The following HECTD2 variants were observed in gnomAD, a reference collection of about 807,000 sequenced individuals.
The protein encoded by HECTD2 is HECT domain E3 ubiquitin protein ligase 2.
Under a neutral mutation model 103.2 loss-of-function variants are expected in HECTD2, and 35 were observed. The observed-to-expected ratio is 0.34, with a 90% CI of 0.26 to 0.45. The LOEUF is 0.45. Among genes scored for constraint, HECTD2 ranks in the 20% least tolerant of loss-of-function variants. The pLI, the probability that HECTD2 is intolerant of heterozygous loss-of-function variation, is 1.00. For synonymous variants in HECTD2, 281 were observed against 329.9 expected (o/e 0.85, Z 1.61); for missense variants, 596 against 937.4 (o/e 0.64, Z 4.76).
intron 5 of HECTD2, among the ~76,000 whole-genome samples, chr10:91,474,332 G>A (rs1328245271): frequency 6.6e-6 from 1 of 152,146 alleles, no homozygotes; most frequent in Non-Finnish European, 1.5e-5. Flanking sequence ...CTGGTTAGAA[G>A]AGACTATCAC....
chr10:91,428,552 T>C (rs1209362789), intron 2 of HECTD2, among the ~76,000 whole-genome samples: 2 of 152,188 alleles, frequency 1.3e-5, no homozygotes, highest in African/African-American at 4.8e-5. Flanking sequence ...TTTTATTTCA[T>C]TGAGCAGTGG....
Position 91,493,460 on chromosome 10 carries a change from T to C in HECTD2, c.1473T>C (p.Phe491=), listed in dbSNP as rs770812902. 1 of 1,561,288 alleles carries C rather than the reference T, an allele frequency of 6.4e-7. No individual in the cohort carries two copies. The highest frequency in any genetic ancestry group is 8.6e-7 in the Non-Finnish European group (1 of 1,156,452). The change falls in exon 14 of 21, where the codon TTT becomes TTC. Residue 491 remains phenylalanine (F), a synonymous_variant. Transcript: ENST00000298068. The stretch of plus-strand genomic sequence containing the variant: ...ACAAGGATTCACACTGCCATTGGTT[T>C]AGCAGCTTTAAATGTGATAACTATT... ...TYHKDSHCHW[F]SSFKCDNYSE...
chr10:91,476,566 C>T (rs542424854), intron 5 of HECTD2, among the ~76,000 whole-genome samples: 3 of 152,302 alleles, frequency 2.0e-5, no homozygotes, highest in African/African-American at 7.2e-5. Flanking sequence ...GAGGCCAGAG[C>T]CCAGGCAGGA....
At chr10:91,473,969 A>T (rs1295661226) in intron 5 of HECTD2, among the ~76,000 whole-genome samples, 1 of 152,182 alleles carries the variant, frequency 6.6e-6, no homozygotes, top group African/African-American at 2.4e-5. Flanking sequence ...ACCCTAAAAA[A>T]TGCCTGCATA....
At chr10:91,416,954 AAAAG>A (rs1843151247) in intron 1 of HECTD2, among the ~76,000 whole-genome samples, 1 of 152,308 alleles carries the variant, frequency 6.6e-6, no homozygotes, top group Admixed American at 6.5e-5. Flanking sequence ...TTTGAAAGGG[AAAAG>A]AAAGAGCCTT....
chr10:91,460,833 TA>T (rs1845315984), intron 3 of HECTD2, among the ~76,000 whole-genome samples: 1 of 152,184 alleles, frequency 6.6e-6, no homozygotes, highest in Non-Finnish European at 1.5e-5. Context: ...AGGTGGTAAT[TA>T]AATAATAGAC....
At position 91,485,239 on chromosome 10, in the gene HECTD2, A is replaced by G. The variant is rs1167361926; in HGVS notation, c.1030A>G (p.Thr344Ala). ...TCCTTATACTGATTTCTATAATTCTACATTGGATCACATTGATCTCATGGA... is the reference window on the plus strand; with the variant it reads ...TCCTTATACTGATTTCTATAATTCTGCATTGGATCACATTGATCTCATGGA... ...LIPYTDFYNS[T>A]LDHIDLMEEY... Residue 344 changes from threonine to alanine, a missense_variant, in exon 10 of 21, where the codon ACA (threonine) becomes GCA (alanine). Thr to Ala is a moderately conservative substitution (Grantham distance 58). Transcript: ENST00000298068. The G allele has an allele frequency of 3.2e-6, 5 of 1,584,956 alleles. No homozygotes were observed. Among genetic ancestry groups the G allele is most frequent in the South Asian group, 1.1e-5 (1 of 87,808 alleles).
At chr10:91,426,850 A>T (rs1248477946) in intron 2 of HECTD2, among the ~76,000 whole-genome samples, 1 of 150,242 alleles carries the variant, frequency 6.7e-6, no homozygotes, top group East Asian at 2.0e-4. Context: ...AACTTGGGGT[A>T]TTTTTTTTTA....
At chr10:91,468,453 A>C (rs1845608668) in intron 5 of HECTD2, among the ~76,000 whole-genome samples, 1 of 152,176 alleles carries the variant, frequency 6.6e-6, no homozygotes, top group African/African-American at 2.4e-5. Flanking sequence ...ACGAATGTCA[A>C]CTCACTCAGA....
chr10:91,427,182 A>C (rs1843604018), intron 2 of HECTD2, among the ~76,000 whole-genome samples: 1 of 151,792 alleles, frequency 6.6e-6, no homozygotes, highest in African/African-American at 2.4e-5. Context: ...ACATGAACTC[A>C]TCATTTTTTA....
intron 2 of HECTD2, among the ~76,000 whole-genome samples, chr10:91,431,870 T>C (rs1057137882): frequency 5.9e-5 from 9 of 152,102 alleles, no homozygotes; most frequent in African/African-American, 1.7e-4. Flanking sequence ...GAAGCCTTCT[T>C]CTCTCAACTC....
chr10:91,434,443 C>G (rs1016460323), intron 2 of HECTD2, among the ~76,000 whole-genome samples: 1 of 151,962 alleles, frequency 6.6e-6, no homozygotes, highest in South Asian at 2.1e-4. Flanking sequence ...CCTGTAACCA[C>G]CAATGTGACC....
intron 5 of HECTD2, among the ~76,000 whole-genome samples, chr10:91,476,909 G>A (rs933071165): frequency 2.1e-5 from 3 of 144,878 alleles, no homozygotes; most frequent in Non-Finnish European, 4.6e-5. Flanking sequence ...GGCCGGGCGC[G>A]GTGGCTCATG....
intron 6 of HECTD2, among the ~76,000 whole-genome samples, chr10:91,479,917 A>G (rs1323375419): frequency 1.3e-5 from 2 of 152,016 alleles, no homozygotes; most frequent in Non-Finnish European, 2.9e-5. Context: ...ATTTGTTGCT[A>G]TTTTTATTTA....
Position 91,425,313 on chromosome 10 carries a change from C to T in HECTD2, c.171C>T (p.Ser57=). 3.9e-6 allele frequency: 6 copies of T among 1,540,284 alleles called. No individual in the cohort carries two copies. The highest frequency in any genetic ancestry group is 1.8e-5 in the Admixed American group (1 of 55,412). Residue 57 remains serine (S), a synonymous_variant, in exon 2 of 21, where the codon TCC becomes TCT. Transcript: ENST00000298068. ...ACAGAGGAGCCAAAGGCCAAATTTCCACTTTCAGCAGTTTTATTTCAGCTG... is the reference window on the plus strand; with the variant it reads ...ACAGAGGAGCCAAAGGCCAAATTTCTACTTTCAGCAGTTTTATTTCAGCTG... ...GLDRGAKGQI[S]TFSSFISAVS... is the part of the protein sequence containing the mutation.
Position 91,454,083 on chromosome 10 carries a change from G to A in HECTD2, c.269-6344G>A, listed in dbSNP as rs561307092. On this transcript the variant is annotated intron_variant, in intron 2 of 20. Transcript: ENST00000298068. ...CAGAAACAAAAAAATCCACAATTAG[G>A]TATTGAAGTCTCCAACTGTAAGTGT... Among the ~76,000 whole-genome samples, 6 of 152,142 alleles carry A rather than the reference G, an allele frequency of 3.9e-5. No homozygotes were observed. In the South Asian group the frequency reaches 1.2e-3, roughly 32 times the overall value.
rs187798954 is a variant in HECTD2 at position 91,496,428 on chromosome 10, C to T, written c.1680+56C>T. On this transcript the variant is annotated intron_variant, in intron 15 of 20. Transcript: ENST00000298068. Reference sequence around the variant, plus strand: ...TTAATGCGAAATCATCTTTTTTCTACCTGCACAGTCTCTCCTCCTAATGCT... The same window carrying T: ...TTAATGCGAAATCATCTTTTTTCTATCTGCACAGTCTCTCCTCCTAATGCT... 2.2e-4 allele frequency: 270 copies of T among 1,226,244 alleles called. 1 individual carries two copies. The highest frequency in any genetic ancestry group is 2.8e-4 in the Non-Finnish European group (235 of 852,290). The allele number at this position is 1,226,244 out of a possible 1,614,324, so 76.0% of individuals were successfully genotyped here. A position where few individuals can be genotyped will look rare whatever the true frequency, so the allele number is the denominator to read the frequency against.
At chr10:91,500,666 A>G in intron 19 of HECTD2, 49 bp downstream of exon 19, 1 of 883,432 alleles carries the variant, frequency 1.1e-6, no homozygotes, top group Non-Finnish European at 1.9e-6. Flanking sequence ...AGGGAACAGC[A>G]GACAGTGTGG....
At chr10:91,476,758 C>T (rs188122860) in intron 5 of HECTD2, among the ~76,000 whole-genome samples, 2 of 152,182 alleles carry the variant, frequency 1.3e-5, no homozygotes, top group Non-Finnish European at 1.5e-5. Flanking sequence ...GGAGTGAGAA[C>T]CGTCTTCTTG....
Sources: allele counts gnomAD v4.1 joint callset (sites outside exome capture counted in the v4.1 genomes callset), GRCh38; gene constraint gnomAD v4.1.1; transcripts MANE v1.5; gene names NCBI Gene and HGNC (gene_info 2026-07-23, HGNC 2026-07-21).